Variants in CCDC12 observed in about 807,000 individuals in gnomAD.
CCDC12 encodes the protein coiled-coil domain-containing protein 12.
In CCDC12, 28 loss-of-function variants were observed where a neutral mutation model predicts 25.7. The ratio of observed to expected loss-of-function variants is 1.09; its 90% CI spans 0.81 to 1.50. The LOEUF is 1.50. Among genes scored for constraint, CCDC12 ranks in the 40% most tolerant of loss-of-function variants. The pLI is 0.00. For synonymous variants in CCDC12, 75 were observed against 87.7 expected (o/e 0.86, Z 0.81); for missense variants, 198 against 210.0 (o/e 0.94, Z 0.35).
chr3:46,922,254 C>T lies in CCDC12; in HGVS notation c.400G>A (p.Ala134Thr), dbSNP rs767955119. ...LEKLKKRTQR[A>T]IAELIRERLK... ...CACTTACGGATCAGCTCGGCAATGG[C>T]CCTCTGAGTCCGCTTTTTTAGTTTC... Residue 134 changes from alanine (A) to threonine (T), a missense_variant, in exon 6 of 7, where the codon GCC becomes ACC. Physicochemically the swap from Ala to Thr is moderately conservative, Grantham distance 58. Transcript: ENST00000683445. 3.7e-6 allele frequency: 6 copies of T among 1,614,276 alleles called. No homozygotes were observed. In the South Asian group the frequency reaches 6.6e-5, roughly 18 times the overall value.
chr3:46,968,830 C>CA (rs1478075686), intron 1 of CCDC12, among the ~76,000 whole-genome samples: 4 of 152,168 alleles, frequency 2.6e-5, no homozygotes, highest in Admixed American at 1.3e-4. Flanking sequence ...AGCAACAACT[C>CA]AAAGCACGAC....
chr3:46,963,114 AAAGG>A (rs2034511646), intron 1 of CCDC12, among the ~76,000 whole-genome samples: 1 of 152,224 alleles, frequency 6.6e-6, no homozygotes, highest in South Asian at 2.1e-4. Context: ...ATAAGGTTCA[AAAGG>A]AAGGAAGGCA....
intron 1 of CCDC12, among the ~76,000 whole-genome samples, chr3:46,949,445 C>A (rs2034029614): frequency 6.6e-6 from 1 of 152,202 alleles, no homozygotes; most frequent in Non-Finnish European, 1.5e-5. Context: ...TCATATGCAG[C>A]CAGACTGGAC....
At chr3:46,932,439 G>A (rs1396419949) in intron 2 of CCDC12, among the ~76,000 whole-genome samples, 1 of 152,222 alleles carries the variant, frequency 6.6e-6, no homozygotes, top group East Asian at 1.9e-4. Context: ...AGAGCCCAGT[G>A]GCTTCCCCAC....
At chr3:46,941,782 G>C (rs1309025619) in intron 1 of CCDC12, among the ~76,000 whole-genome samples, 1 of 152,194 alleles carries the variant, frequency 6.6e-6, no homozygotes, top group Non-Finnish European at 1.5e-5. Flanking sequence ...GGGGAAAGAA[G>C]TTACCAGCAA....
At chr3:46,923,846 C>T in intron 3 of CCDC12, 178 bp from the exon 4 acceptor site, 1 of 442,996 alleles carries the variant, frequency 2.3e-6, no homozygotes. Context: ...GGAGGAGGGG[C>T]CTGGGTTTCC....
intron 1 of CCDC12, among the ~76,000 whole-genome samples, chr3:46,960,024 G>A (rs933928880): frequency 1.4e-4 from 22 of 152,134 alleles, no homozygotes; most frequent in African/African-American, 4.1e-4. Context: ...TCCTCCACGC[G>A]ACATGCATGC....
intron 1 of CCDC12, among the ~76,000 whole-genome samples, chr3:46,962,434 CA>C (rs33969115): frequency 1.7e-4 from 11 of 63,182 alleles, no homozygotes; most frequent in African/African-American, 7.2e-4. Context: ...AACTCTATCT[CA>C]AAAAAAAAAA....
At chr3:46,976,370 A>C (rs1048620811) in intron 1 of CCDC12, 73 of 1,372,282 alleles carry the variant, frequency 5.3e-5, no homozygotes, top group Middle Eastern at 2.7e-4. Flanking sequence ...ACACCCGGGA[A>C]GCAGGAGTCA....
upstream of CCDC12, among the ~76,000 whole-genome samples, chr3:46,979,217 C>T (rs188760522): frequency 2.6e-5 from 4 of 152,348 alleles, no homozygotes; most frequent in South Asian, 2.1e-4. Context: ...CTGCTACTCT[C>T]TAACTTCCCG....
intron 1 of CCDC12, among the ~76,000 whole-genome samples, chr3:46,961,943 C>T (rs543110514): frequency 3.3e-5 from 5 of 152,234 alleles, no homozygotes; most frequent in Admixed American, 1.3e-4. Context: ...TTGATCCCTA[C>T]GCACACCACA....
rs774425119 is a variant in CCDC12, at chr3:46,976,688, C to A, written c.45G>T (p.Ala15=). 2 of 1,608,308 alleles carry A rather than the reference C, an allele frequency of 1.2e-6. No individual in the cohort carries two copies. The highest frequency in any genetic ancestry group is 8.5e-7 in the Non-Finnish European group (1 of 1,177,494). Residue 15 remains alanine (A), a synonymous_variant, in exon 1 of 7, where the codon GCG becomes GCT. Transcript: ENST00000683445. ...TAGVGRLEEE[A]LRRKERLKAL... is the part of the protein sequence containing the mutation. Reference sequence around the variant, plus strand: ...CCTTCAGCCGTTCCTTTCGCCGCAACGCCTCTTCCTCTAGCCGGCCCACAC... The same window carrying A: ...CCTTCAGCCGTTCCTTTCGCCGCAAAGCCTCTTCCTCTAGCCGGCCCACAC...
At chr3:46,978,409 C>G (rs2035076627), upstream of CCDC12, among the ~76,000 whole-genome samples, 1 of 152,146 alleles carries the variant, frequency 6.6e-6, no homozygotes, top group South Asian at 2.1e-4. Flanking sequence ...AGTCTCCAGA[C>G]TGGTCAACTC....
intron 1 of CCDC12, among the ~76,000 whole-genome samples, chr3:46,941,786 C>T (rs1217357212): frequency 1.3e-5 from 2 of 152,162 alleles, no homozygotes; most frequent in African/African-American, 4.8e-5. Context: ...AAAGAAGTTA[C>T]CAGCAACCAG....
At chr3:46,932,006 G>T (rs1242668242) in intron 2 of CCDC12, among the ~76,000 whole-genome samples, 1 of 152,104 alleles carries the variant, frequency 6.6e-6, no homozygotes, top group East Asian at 1.9e-4. Context: ...AAATAACAAG[G>T]CTTCAGTTGC....
rs751864513 is a variant in CCDC12, at chr3:46,925,464, G to C, written c.236C>G (p.Pro79Arg). The change falls in exon 3 of 7, where the codon CCG (proline) becomes CGG (arginine). Residue 79 changes from proline (P) to arginine (R), a missense_variant. Coordinates refer to ENST00000683445, the MANE Select transcript of CCDC12 (RefSeq NM_001277074.2). ...AGGGACAGCTTGCTTACCTGCAACC[G>C]GTTTGGCCTGGGGCACCCTCCTCTT... ...LKKRRVPQAK[P>R]VAVEEKVKEQ... The C allele has an allele frequency of 2.5e-6, 4 of 1,613,270 alleles. No individual in the cohort carries two copies. The highest frequency in any genetic ancestry group is 3.4e-6 in the Non-Finnish European group (4 of 1,179,372).
At chr3:46,931,529 G>A (rs2033212402) in intron 2 of CCDC12, among the ~76,000 whole-genome samples, 1 of 152,178 alleles carries the variant, frequency 6.6e-6, no homozygotes, top group Admixed American at 6.5e-5. Context: ...ATGCTACCAG[G>A]CTTATCCTTT....
chr3:46,950,971 T>C (rs998131282), intron 1 of CCDC12, among the ~76,000 whole-genome samples: 1 of 152,128 alleles, frequency 6.6e-6, no homozygotes, highest in African/African-American at 2.4e-5. Flanking sequence ...CCAGCCACAG[T>C]GGCTCACACC....
chr3:46,937,153 G>A (rs1017894660), intron 2 of CCDC12, among the ~76,000 whole-genome samples: 1 of 152,178 alleles, frequency 6.6e-6, no homozygotes, highest in Non-Finnish European at 1.5e-5. Context: ...GGTCAGACTG[G>A]AAGGGGCCCC....
Sources: allele counts gnomAD v4.1 joint callset (sites outside exome capture counted in the v4.1 genomes callset), GRCh38; gene constraint gnomAD v4.1.1; transcripts MANE v1.5; gene names NCBI Gene and HGNC (gene_info 2026-07-23, HGNC 2026-07-21).